HK2: variants seen among roughly 807,000 people sequenced by gnomAD.
The protein encoded by HK2 is hexokinase-2.
HK2 carries 42 observed loss-of-function variants against 92.9 expected under a neutral mutation model. That is an observed-to-expected ratio of 0.45 (90% confidence interval 0.35 to 0.58). The LOEUF is 0.58. Ranked by LOEUF, HK2 falls within the 20% of genes least tolerant of loss-of-function variation. The pLI, the probability that HK2 is intolerant of heterozygous loss-of-function variation, is 0.00. For synonymous variants in HK2, 422 were observed against 468.0 expected (o/e 0.90, Z 1.27); for missense variants, 978 against 1,245.1 (o/e 0.79, Z 3.23).
rs1689665368 is a variant in HK2, at chr2:74,891,008, A to T, written c.*67A>T. 1 of 1,565,904 alleles carries T rather than the reference A, an allele frequency of 6.4e-7. No individual in the cohort carries two copies. Among genetic ancestry groups the T allele is most frequent in the Non-Finnish European group, 8.7e-7 (1 of 1,153,366 alleles). The stretch of plus-strand genomic sequence containing the variant: ...TCCCTGTTTTAAATTATAAGATGTC[A>T]TCCCCTTGTGTCAGAGACAGACCCC... On this transcript the variant is annotated 3_prime_UTR_variant, in exon 18 of 18. Coordinates refer to ENST00000290573, the MANE Select transcript of HK2 (RefSeq NM_000189.5).
intron 11 of HK2, 94 bp from the exon 12 acceptor site, chr2:74,882,026 G>A (rs1396336270): frequency 2.7e-6 from 4 of 1,466,620 alleles, no homozygotes; most frequent in Non-Finnish European, 3.8e-6. Flanking sequence ...TTTCTTCTGG[G>A]TGGAAAGAAA....
chr2:74,867,145 T>C (rs963526224), intron 2 of HK2, among the ~76,000 whole-genome samples: 1 of 152,044 alleles, frequency 6.6e-6, no homozygotes, highest in Non-Finnish European at 1.5e-5. Flanking sequence ...CTTATATTGT[T>C]GATTGAATTA....
In HK2 at chr2:74,834,632, C is replaced by A; in HGVS notation, c.52C>A (p.Gln18Lys). 1 of 1,613,960 alleles carries A rather than the reference C, an allele frequency of 6.2e-7. No homozygotes were observed. Among genetic ancestry groups the A allele is most frequent in the Non-Finnish European group, 8.5e-7 (1 of 1,179,854 alleles). Residue 18 changes from glutamine to lysine, a missense_variant, in exon 1 of 18, where the codon CAA (glutamine) becomes AAA (lysine). Gln to Lys is a moderately conservative substitution (Grantham distance 53). Around this residue, in one of 3 missense-constraint regions of HK2, gnomAD observed 47 missense variants for 33.1 expected, o/e 1.42. Transcript: ENST00000290573. This position sits in a 1 kb window ranked among gnomAD's most constrained non-coding sequence, Gnocchi z 4.2. ...AYFFTELNHD[Q>K]VQKVDQYLYH... Reference sequence around the variant, plus strand: ...CTTCTTCACGGAGCTCAACCATGACCAAGTGCAGAAGGTAAGTCAGCGCGG... The same window carrying A: ...CTTCTTCACGGAGCTCAACCATGACAAAGTGCAGAAGGTAAGTCAGCGCGG...
chr2:74,868,948 G>A (rs190380153), intron 3 of HK2, among the ~76,000 whole-genome samples: 9 of 152,272 alleles, frequency 5.9e-5, no homozygotes, highest in Admixed American at 1.3e-4. Flanking sequence ...AGCCTGGCAA[G>A]GACAATGAAG....
In HK2 at chr2:74,854,862, C is replaced by G. The variant is rs940801214; in HGVS notation, c.226+407C>G. 2.0e-5 allele frequency among the ~76,000 whole-genome samples: 3 copies of G among 152,206 alleles called. No individual in the cohort carries two copies. In the South Asian group the frequency reaches 6.2e-4, roughly 32 times the overall value. On this transcript the variant is annotated intron_variant, in intron 2 of 17. Coordinates refer to ENST00000290573, the MANE Select transcript of HK2 (RefSeq NM_000189.5). Reference sequence around the variant, plus strand: ...TGTGGCTCACCTGTGCATGCTCTAACTGGGACGCCGGACGCCGTGTAGGCA... The same window carrying G: ...TGTGGCTCACCTGTGCATGCTCTAAGTGGGACGCCGGACGCCGTGTAGGCA...
At chr2:74,842,296 T>G (rs964804616) in intron 1 of HK2, among the ~76,000 whole-genome samples, 33 of 152,254 alleles carry the variant, frequency 2.2e-4, no homozygotes, top group Admixed American at 1.3e-4. Context: ...ACCTGTACTT[T>G]CAGTATTTAT....
rs545319935 is a variant in HK2, at chr2:74,871,786, T to C, written c.376-514T>C. The stretch of plus-strand genomic sequence containing the variant: ...TACTTGTTTTTGTTAAGTTGGTTCA[T>C]AGAATGCCAACAGAGAATGCTGTCC... On this transcript the variant is annotated intron_variant, in intron 3 of 17. Coordinates refer to ENST00000290573, the MANE Select transcript of HK2 (RefSeq NM_000189.5). Among the ~76,000 whole-genome samples the C allele has an allele frequency of 1.3e-4, 20 of 152,334 alleles. 1 individual carries two copies. The South Asian group carries it at 3.9e-3, about 30-fold the overall frequency.
chr2:74,873,766 G>A, intron 5 of HK2, 78 bp from the exon 6 acceptor site: 2 of 887,128 alleles, frequency 2.3e-6, no homozygotes, highest in Admixed American at 1.8e-5. Flanking sequence ...AGGAGGAGGA[G>A]GAGTGATATA....
chr2:74,892,159 C>T lies in HK2; in HGVS notation c.*1218C>T, dbSNP rs1689696923. The T allele has an allele frequency of 6.6e-6, 1 of 152,478 alleles. No individual in the cohort carries two copies. The highest frequency in any genetic ancestry group is 6.5e-5 in the Admixed American group (1 of 15,282). The allele number at this position is 152,478 out of a possible 1,614,324, so 9.4% of individuals were successfully genotyped here. A position where few individuals can be genotyped will look rare whatever the true frequency, so the allele number is the denominator to read the frequency against. On this transcript the variant is annotated 3_prime_UTR_variant, in exon 18 of 18. Coordinates refer to ENST00000290573, the MANE Select transcript of HK2 (RefSeq NM_000189.5). ...AACCAAAGGAATCGTTTCAAATGGACTCATGGCTTAGAAATCTTTATTCTT... is the reference window on the plus strand; with the variant it reads ...AACCAAAGGAATCGTTTCAAATGGATTCATGGCTTAGAAATCTTTATTCTT...
At chr2:74,851,155 C>CT (rs986051614) in intron 1 of HK2, among the ~76,000 whole-genome samples, 17 of 152,374 alleles carry the variant, frequency 1.1e-4, no homozygotes, top group African/African-American at 3.8e-4. Flanking sequence ...GGTGGCTGTC[C>CT]TGACGGCCTG....
Position 74,854,298 on chromosome 2 carries a change from C to A in HK2, c.69C>A (p.Asp23Glu). Residue 23 changes from aspartate to glutamate, a missense_variant, in exon 2 of 18, where the codon GAC (aspartate) becomes GAA (glutamate). By Grantham distance (45) the Asp-to-Glu change is conservative. This residue lies in a region of HK2 where 47 missense variants were observed against 33.1 expected (regional missense o/e 1.42). Coordinates refer to ENST00000290573, the MANE Select transcript of HK2 (RefSeq NM_000189.5). ...TTGTCTTCCTCCTTTTTCAGGTTGA[C>A]CAGTATCTCTACCACATGCGCCTCT... is the stretch of plus-strand genomic sequence containing the variant. The part of the protein sequence containing the change: ...ELNHDQVQKV[D>E]QYLYHMRLSD... 1 of 1,612,330 alleles carries A rather than the reference C, an allele frequency of 6.2e-7. No homozygotes were observed. The highest frequency in any genetic ancestry group is 1.7e-5 in the Admixed American group (1 of 60,016).
chr2:74,847,403 T>C (rs1217160403), intron 1 of HK2, among the ~76,000 whole-genome samples: 1 of 152,052 alleles, frequency 6.6e-6, no homozygotes, highest in East Asian at 1.9e-4. Flanking sequence ...ACAGGCCAGG[T>C]GTGGTGGCTC....
At chr2:74,853,518 AAACAAC>A (rs146960066) in intron 1 of HK2, among the ~76,000 whole-genome samples, 8,147 of 143,370 alleles carry the variant, frequency 0.057, 267 homozygotes, top group Middle Eastern at 0.075. Context: ...CTCAGCCTCA[AAACAAC>A]AACAACAACA....
intron 2 of HK2, among the ~76,000 whole-genome samples, chr2:74,854,790 A>G (rs1330749263): frequency 6.6e-6 from 1 of 152,226 alleles, no homozygotes; most frequent in African/African-American, 2.4e-5. Flanking sequence ...ATGAACTACA[A>G]CAAACGTACC....
chr2:74,876,542 C>T (rs1259378385), intron 7 of HK2, among the ~76,000 whole-genome samples: 1 of 152,236 alleles, frequency 6.6e-6, no homozygotes, highest in Non-Finnish European at 1.5e-5. Context: ...CATCTTGTCA[C>T]CTGCCTGCTT....
At chr2:74,889,584 TC>T in intron 17 of HK2, 106 bp downstream of exon 17, 1 of 807,490 alleles carries the variant, frequency 1.2e-6, no homozygotes. Context: ...TATCAGCCAT[TC>T]CAAATAGTGT....
intron 1 of HK2, among the ~76,000 whole-genome samples, chr2:74,840,739 C>T (rs896324361): frequency 2.7e-5 from 4 of 150,920 alleles, no homozygotes; most frequent in East Asian, 1.9e-4. Context: ...ATTAGCCGGG[C>T]GTGGTGGCAG....
chr2:74,881,169 A>G (rs1022735500), intron 10 of HK2, among the ~76,000 whole-genome samples: 3 of 152,246 alleles, frequency 2.0e-5, no homozygotes, highest in Non-Finnish European at 4.4e-5. Context: ...TGCATGACCC[A>G]CAGGGCCTAA....
intron 3 of HK2, among the ~76,000 whole-genome samples, chr2:74,871,855 A>T (rs561468181): frequency 6.6e-6 from 1 of 152,272 alleles, no homozygotes; most frequent in Admixed American, 6.5e-5. Context: ...AGGGATACTA[A>T]AATACTTCTT....
Sources: gnomAD v4.1 joint callset for allele counts (sites outside exome capture counted in the v4.1 genomes callset) on GRCh38, gnomAD v4.1.1 for gene constraint, gnomAD v4.1.1 regional missense constraint, Gnocchi (gnomAD v3.1) non-coding constraint, MANE v1.5 for transcripts, NCBI Gene and HGNC (gene_info 2026-07-23, HGNC 2026-07-21) for gene names.